Variants in NFIX observed in about 807,000 individuals in gnomAD.
NFIX encodes the protein nuclear factor I X.
A neutral mutation model predicts 53.3 loss-of-function variants in NFIX; 2 were observed. That is an observed-to-expected ratio of 0.04 (90% CI 0.02 to 0.12). The LOEUF is 0.12. Among genes scored for constraint, NFIX ranks in the 10% least tolerant of loss-of-function variants. NFIX has a pLI of 1.00. For missense variants in NFIX, 310 were observed against 674.5 expected (o/e 0.46, Z 5.99); for synonymous variants, 244 against 289.0 (o/e 0.84, Z 1.58).
chr19:13,029,489 TC>T (rs1186093928), intron 2 of NFIX, among the ~76,000 whole-genome samples: 1 of 152,202 alleles, frequency 6.6e-6, no homozygotes, highest in Non-Finnish European at 1.5e-5. Flanking sequence ...CTCTAGGTAG[TC>T]CTTCTCCTCT....
chr19:13,041,780 C>T (rs556956929), intron 2 of NFIX, among the ~76,000 whole-genome samples: 29 of 146,804 alleles, frequency 2.0e-4, no homozygotes, highest in Non-Finnish European at 3.6e-4. Context: ...GGCAACAGAG[C>T]CAGACTCCGT....
chr19:13,024,098 A>G, intron 1 of NFIX: 2 of 927,492 alleles, frequency 2.2e-6, no homozygotes, highest in Non-Finnish European at 3.2e-6. Flanking sequence ...TTTAAACTTC[A>G]AACAAGCAAA....
rs183072171 is a variant in NFIX, at chr19:13,051,541, G to A, written c.560-21506G>A. ...CTAGTCAGCCAGTGACATCTCCCCC[G>A]TACCCAGGCCAGTGAGCCAGATTTT... On this transcript the variant is annotated intron_variant, in intron 2 of 10. Coordinates refer to ENST00000592199, the MANE Select transcript of NFIX (RefSeq NM_001365902.3). The surrounding 1 kb of genome is among the most constrained non-coding windows in gnomAD (Gnocchi z 5.1). Among the ~76,000 whole-genome samples, 218 of 152,216 alleles carry A rather than the reference G, an allele frequency of 1.4e-3. 1 individual carries two copies. Among genetic ancestry groups the A allele is most frequent in the African/African-American group, 4.6e-3 (192 of 41,514 alleles).
Position 13,022,593 on chromosome 19 carries a change from A to G in NFIX, c.28-2428A>G, listed in dbSNP as rs2012999412. Among the ~76,000 whole-genome samples, 2 of 151,594 alleles carry G rather than the reference A, an allele frequency of 1.3e-5. No homozygotes were observed. Among genetic ancestry groups the G allele is most frequent in the Admixed American group, 6.6e-5 (1 of 15,260 alleles). ...ACTCGCCCCTGTGTGCTCCATAGGA[A>G]GAAAAAAAAAAAGAAAGAAAGAAAT... On this transcript the variant is annotated intron_variant, in intron 1 of 10. Coordinates refer to ENST00000592199, the MANE Select transcript of NFIX (RefSeq NM_001365902.3). The surrounding 1 kb of genome is among the most constrained non-coding windows in gnomAD (Gnocchi z 4.5).
chr19:13,063,296 T>C (rs1215047717), intron 2 of NFIX, among the ~76,000 whole-genome samples: 1 of 152,160 alleles, frequency 6.6e-6, no homozygotes, highest in East Asian at 1.9e-4. Context: ...TTTCCTTTTC[T>C]TCTTCCTTCC....
In NFIX at chr19:13,073,117, C is replaced by G. The variant is rs766562818; in HGVS notation, c.622+8C>G. 1.4e-5 allele frequency: 23 copies of G among 1,612,888 alleles called. No homozygotes were observed. The African/African-American group carries it at 2.0e-4, about 14-fold the overall frequency. ...TCAAACCACTGCCCAACGGTCAGTG[C>G]CCCCCACCTGCCCAGCTGCCCTTAT... On this transcript the variant is annotated splice_region_variant and intron_variant, in intron 3 of 10. Transcript: ENST00000592199. This position sits in a 1 kb window ranked among gnomAD's most constrained non-coding sequence, Gnocchi z 4.5.
In NFIX at chr19:13,013,638, C is replaced by T. The variant is rs1208143060; in HGVS notation, c.28-11383C>T. ...CCCCCCTTACTCTTCGAGTCTTTTT[C>T]CTCTTCTCTAAAAACATTTTTTTTA... On this transcript the variant is annotated intron_variant, in intron 1 of 10. Coordinates refer to ENST00000592199, the MANE Select transcript of NFIX (RefSeq NM_001365902.3). The surrounding 1 kb of genome is among the most constrained non-coding windows in gnomAD (Gnocchi z 5.9). The T allele has an allele frequency of 2.0e-5, 3 of 151,948 alleles. No homozygotes were observed. Among genetic ancestry groups the T allele is most frequent in the Non-Finnish European group, 4.4e-5 (3 of 67,996 alleles). The allele number at this position is 151,948 out of a possible 1,614,324, so 9.4% of individuals were successfully genotyped here.
chr19:13,023,879 C>A, intron 1 of NFIX: 1 of 660,160 alleles, frequency 1.5e-6, no homozygotes, highest in Non-Finnish European at 2.6e-6. Context: ...GGCCCCTATT[C>A]CCCAGAACAC....
chr19:13,015,791 C>G (rs539457191), intron 1 of NFIX, among the ~76,000 whole-genome samples: 1 of 114,656 alleles, frequency 8.7e-6, no homozygotes, highest in Non-Finnish European at 1.7e-5. Context: ...ATAGAGAGAT[C>G]ACACACACAC....
chr19:13,084,463 A>G (rs2017655629), intron 8 of NFIX, among the ~76,000 whole-genome samples: 1 of 152,088 alleles, frequency 6.6e-6, no homozygotes, highest in Non-Finnish European at 1.5e-5. Flanking sequence ...AACAAAAACA[A>G]AAAAAACCCA....
rs369151512 is a variant in NFIX at position 13,074,021 on chromosome 19, C to T, written c.813C>T (p.Ser271=). ...GGCGGTCCATCACCTCCCCTCCTTCCACCAGGTAAGCCCAGTGGCCCTGCC... is the reference window on the plus strand; with the variant it reads ...GGCGGTCCATCACCTCCCCTCCTTCTACCAGGTAAGCCCAGTGGCCCTGCC... ...LGRRSITSPP[S]TSTTKRPKSI... The change falls in exon 5 of 11, where the codon TCC becomes TCT. Residue 271 remains serine, a synonymous_variant. Coordinates refer to ENST00000592199, the MANE Select transcript of NFIX (RefSeq NM_001365902.3). 6.2e-7 allele frequency: 1 copy of T among 1,613,994 alleles called. No individual in the cohort carries two copies. Among genetic ancestry groups the T allele is most frequent in the Non-Finnish European group, 8.5e-7 (1 of 1,179,882 alleles).
intron 6 of NFIX, among the ~76,000 whole-genome samples, chr19:13,076,524 G>A (rs1288233769): frequency 2.0e-5 from 3 of 152,212 alleles, no homozygotes; most frequent in African/African-American, 4.8e-5. Context: ...CCCCGCTGAC[G>A]TGCCAGTGGT....
rs2011570736 is a variant in NFIX at position 12,998,939 on chromosome 19, C to T, written c.27+3075C>T. Among the ~76,000 whole-genome samples, 1 of 152,132 alleles carries T rather than the reference C, an allele frequency of 6.6e-6. No individual in the cohort carries two copies. Among genetic ancestry groups the T allele is most frequent in the Admixed American group, 6.5e-5 (1 of 15,280 alleles). On this transcript the variant is annotated intron_variant, in intron 1 of 10. Transcript: ENST00000592199. The surrounding 1 kb of genome is among the most constrained non-coding windows in gnomAD (Gnocchi z 4.4). ...CCCCCAGCGCACACATAAACACTCA[C>T]AAACCCCTCGAGATGATACAGATAG...
chr19:13,004,820 C>CTT (rs61430205), intron 1 of NFIX, among the ~76,000 whole-genome samples: 7,770 of 136,750 alleles, frequency 0.057, 744 homozygotes, highest in African/African-American at 0.2. Context: ...AAGCTAGGTT[C>CTT]TTTTTTTTTT....
intron 2 of NFIX, among the ~76,000 whole-genome samples, chr19:13,039,228 C>CCCCACA (rs796212249): frequency 0.024 from 3,428 of 144,436 alleles, 51 homozygotes; most frequent in Middle Eastern, 0.072. Flanking sequence ...ACACCCCCCC[C>CCCCACA]CACACACACA....
rs1173997375 is a variant in NFIX at position 13,072,870 on chromosome 19, C to T, written c.560-177C>T. On this transcript the variant is annotated intron_variant, in intron 2 of 10. Transcript: ENST00000592199. This position sits in a 1 kb window ranked among gnomAD's most constrained non-coding sequence, Gnocchi z 4.0. The stretch of plus-strand genomic sequence containing the variant: ...CTGCACTGGGCCTGTCTTTCCTTCT[C>T]TGCTTTGGGTCTCCCGGAGCCTCCT... 6.6e-6 allele frequency among the ~76,000 whole-genome samples: 1 copy of T among 152,210 alleles called. No homozygotes were observed. Among genetic ancestry groups the T allele is most frequent in the African/African-American group, 2.4e-5 (1 of 41,460 alleles).
intron 1 of NFIX, among the ~76,000 whole-genome samples, chr19:13,007,586 A>G (rs2012096490): frequency 6.6e-6 from 1 of 151,988 alleles, no homozygotes; most frequent in South Asian, 2.1e-4. Context: ...AGTTCCCCCC[A>G]AGGTTCCAAG....
chr19:13,080,065 T>G (rs906735638), intron 7 of NFIX, among the ~76,000 whole-genome samples: 2 of 152,194 alleles, frequency 1.3e-5, no homozygotes, highest in African/African-American at 4.8e-5. Context: ...TGCCTCCTCT[T>G]GTCCCCCACC....
At chr19:13,079,673 G>A (rs2017343787) in intron 7 of NFIX, among the ~76,000 whole-genome samples, 1 of 152,034 alleles carries the variant, frequency 6.6e-6, no homozygotes, top group African/African-American at 2.4e-5. Context: ...CCGCGAGGTG[G>A]GGGTGGGGAG....
Sources: allele counts gnomAD v4.1 joint callset (sites outside exome capture counted in the v4.1 genomes callset), GRCh38; gene constraint gnomAD v4.1.1; non-coding constraint Gnocchi (gnomAD v3.1); transcripts MANE v1.5; gene names NCBI Gene and HGNC (gene_info 2026-07-23, HGNC 2026-07-21).